PCCA: variants seen among roughly 807,000 people sequenced by gnomAD.
The protein encoded by PCCA is propionyl-CoA carboxylase subunit alpha.
A neutral mutation model predicts 101.3 loss-of-function variants in PCCA; 74 were observed. The ratio of observed to expected loss-of-function variants is 0.73; its 90% CI spans 0.61 to 0.89. The LOEUF (loss-of-function observed/expected upper bound fraction) is 0.89, where lower values mean the gene tolerates loss of function less well. PCCA is among the 40% of genes least tolerant of loss of function. The probability of loss-of-function intolerance (pLI) is 0.00; values close to 1 mark genes in which losing one functional copy is unlikely to be tolerated. For missense variants in PCCA, 891 were observed against 907.0 expected (o/e 0.98, Z 0.23); for synonymous variants, 294 against 313.6 (o/e 0.94, Z 0.66).
At chr13:100,449,151 A>T in intron 20 of PCCA, 101 bp from the exon 21 acceptor site, 1 of 661,518 alleles carries the variant, frequency 1.5e-6, no homozygotes, top group South Asian at 1.9e-5. Flanking sequence ...TTGTTTACCC[A>T]TCCATCAGTT....
At chr13:100,504,507 C>T (rs1376789340) in intron 21 of PCCA, among the ~76,000 whole-genome samples, 1 of 152,184 alleles carries the variant, frequency 6.6e-6, no homozygotes, top group Non-Finnish European at 1.5e-5. Context: ...ACCCAGACAG[C>T]CTCCAGTGTC....
intron 1 of PCCA, among the ~76,000 whole-genome samples, chr13:100,100,772 C>T (rs569992451): frequency 1.4e-5 from 2 of 147,006 alleles, no homozygotes; most frequent in East Asian, 2.1e-4. Flanking sequence ...TTTGCTTGTA[C>T]GAGTTCTACT....
intron 7 of PCCA, among the ~76,000 whole-genome samples, chr13:100,226,875 C>T (rs923267594): frequency 6.6e-6 from 1 of 152,126 alleles, no homozygotes; most frequent in Non-Finnish European, 1.5e-5. Flanking sequence ...TTCTTAATAA[C>T]CCTATGAGAT....
intron 21 of PCCA, among the ~76,000 whole-genome samples, chr13:100,482,397 CA>C (rs2084012083): frequency 4.6e-5 from 7 of 152,070 alleles, no homozygotes; most frequent in Non-Finnish European, 8.8e-5. Context: ...AGGCAGGCTC[CA>C]AGAGAGGAGG....
chr13:100,365,120 T>C (rs1188574909), intron 18 of PCCA, among the ~76,000 whole-genome samples: 1 of 152,188 alleles, frequency 6.6e-6, no homozygotes, highest in East Asian at 1.9e-4. Context: ...AGCAGTAGCT[T>C]CCTATCACTT....
intron 19 of PCCA, among the ~76,000 whole-genome samples, chr13:100,381,846 C>T (rs552453825): frequency 6.6e-5 from 10 of 152,330 alleles, no homozygotes; most frequent in African/African-American, 2.4e-4. Flanking sequence ...TTCCACACCT[C>T]GTAGGAGGGA....
At position 100,147,022 on chromosome 13, in the gene PCCA, A is replaced by AC. The variant is rs1452391684; in HGVS notation, c.301-7957_301-7956insC. Among the ~76,000 whole-genome samples, 3 of 151,944 alleles carry AC rather than the reference A, an allele frequency of 2.0e-5. No individual in the cohort carries two copies. The East Asian group carries it at 5.8e-4, about 29-fold the overall frequency. On this transcript the variant is annotated intron_variant, in intron 4 of 23. Transcript: ENST00000376285. Reference sequence around the variant, plus strand: ...TGAGGTAGAATTCTAAAAAAAAAAAAAACTGAGTGATAAAATTAGTTGTAG... The same window carrying AC: ...TGAGGTAGAATTCTAAAAAAAAAAAACAACTGAGTGATAAAATTAGTTGTAG...
At chr13:100,408,768 A>G (rs982001483) in intron 19 of PCCA, among the ~76,000 whole-genome samples, 1 of 152,218 alleles carries the variant, frequency 6.6e-6, no homozygotes, top group Non-Finnish European at 1.5e-5. Flanking sequence ...CTTGCAGAGA[A>G]TACAAACAGT....
chr13:100,448,879 C>T (rs986093419), intron 20 of PCCA, among the ~76,000 whole-genome samples: 3 of 152,158 alleles, frequency 2.0e-5, no homozygotes, highest in African/African-American at 7.2e-5. Context: ...CCACCACCAC[C>T]ACAGTCAATT....
intron 22 of PCCA, among the ~76,000 whole-genome samples, chr13:100,526,946 C>T (rs999860463): frequency 6.6e-6 from 1 of 152,246 alleles, no homozygotes; most frequent in East Asian, 1.9e-4. Context: ...GGAAGTCATT[C>T]CTGTGTCTGG....
intron 16 of PCCA, among the ~76,000 whole-genome samples, chr13:100,319,512 A>G (rs906319627): frequency 6.6e-6 from 1 of 152,142 alleles, no homozygotes; most frequent in Admixed American, 6.5e-5. Context: ...GAATTTTTGT[A>G]TAAGGTGTAA....
At chr13:100,377,226 G>A (rs1443597353) in intron 19 of PCCA, among the ~76,000 whole-genome samples, 1 of 152,162 alleles carries the variant, frequency 6.6e-6, no homozygotes, top group African/African-American at 2.4e-5. Flanking sequence ...GATCTCGCGG[G>A]GAGCTACAGA....
At chr13:100,305,499 G>A (rs970971163) in intron 14 of PCCA, among the ~76,000 whole-genome samples, 3 of 152,200 alleles carry the variant, frequency 2.0e-5, no homozygotes, top group African/African-American at 7.2e-5. Context: ...GTTAAAGTCA[G>A]AAGTTTTAGA....
intron 19 of PCCA, among the ~76,000 whole-genome samples, chr13:100,421,733 G>T (rs1052473012): frequency 3.3e-5 from 5 of 152,062 alleles, no homozygotes; most frequent in African/African-American, 1.2e-4. Context: ...CGTGCAGGCT[G>T]GAGTGTGGTG....
intron 4 of PCCA, among the ~76,000 whole-genome samples, chr13:100,137,560 A>G (rs1203511503): frequency 2.6e-5 from 4 of 152,194 alleles, no homozygotes; most frequent in Non-Finnish European, 5.9e-5. Flanking sequence ...TTTTTGGTGA[A>G]TTGACCCTGT....
chr13:100,170,045 AG>A (rs2055480122), intron 6 of PCCA, among the ~76,000 whole-genome samples: 2 of 152,168 alleles, frequency 1.3e-5, no homozygotes, highest in Non-Finnish European at 2.9e-5. Flanking sequence ...GGCTTTCTGG[AG>A]GTGCTTATTA....
At chr13:100,483,458 T>A (rs1486788961) in intron 21 of PCCA, among the ~76,000 whole-genome samples, 2 of 152,254 alleles carry the variant, frequency 1.3e-5, no homozygotes, top group African/African-American at 4.8e-5. Context: ...CTTCAGCATG[T>A]GACCGTTTGT....
At chr13:100,150,645 T>C in intron 4 of PCCA, 2 of 1,307,028 alleles carry the variant, frequency 1.5e-6, no homozygotes, top group Non-Finnish European at 2.2e-6. Flanking sequence ...GATTTGGTGA[T>C]CCATTAGGTG....
At chr13:100,441,926 C>T (rs1292873597) in intron 20 of PCCA, among the ~76,000 whole-genome samples, 1 of 151,858 alleles carries the variant, frequency 6.6e-6, no homozygotes, top group Non-Finnish European at 1.5e-5. Flanking sequence ...GAAATAAATT[C>T]CAGTTCTGAG....
Sources: allele counts gnomAD v4.1 joint callset (sites outside exome capture counted in the v4.1 genomes callset), GRCh38; gene constraint gnomAD v4.1.1; transcripts MANE v1.5; gene names NCBI Gene and HGNC (gene_info 2026-07-23, HGNC 2026-07-21).